Variants in ABI2 observed in about 807,000 individuals in gnomAD.
ABI2 encodes abl interactor 2.
A neutral mutation model predicts 59.2 loss-of-function variants in ABI2; 25 were observed. The ratio of observed to expected loss-of-function variants is 0.42; its 90% CI spans 0.31 to 0.59. The LOEUF (loss-of-function observed/expected upper bound fraction) is 0.59. Ranked by LOEUF, ABI2 falls within the 20% of genes least tolerant of loss-of-function variation. The pLI is 0.14. For synonymous variants in ABI2, 213 were observed against 235.5 expected (o/e 0.90, Z 0.87); for missense variants, 545 against 681.8 (o/e 0.80, Z 2.23).
At chr2:203,388,144 G>A (rs1457455335) in intron 4 of ABI2, among the ~76,000 whole-genome samples, 1 of 151,864 alleles carries the variant, frequency 6.6e-6, no homozygotes, top group Admixed American at 6.6e-5. Context: ...ATTCTGCATA[G>A]CATATTTATT....
chr2:203,419,881 G>A (rs1428840618), intron 11 of ABI2, among the ~76,000 whole-genome samples: 2 of 152,058 alleles, frequency 1.3e-5, no homozygotes, highest in African/African-American at 4.8e-5. Context: ...CCAACTACTC[G>A]GGAGGCTGAG....
intron 2 of ABI2, among the ~76,000 whole-genome samples, chr2:203,374,338 A>G (rs2095530383): frequency 6.6e-6 from 1 of 151,874 alleles, no homozygotes; most frequent in South Asian, 2.1e-4. Flanking sequence ...TGTCGCTACT[A>G]AAAATACAAA....
At position 203,416,999 on chromosome 2, in the gene ABI2, G is replaced by A. The variant is rs2097918981; in HGVS notation, c.1371G>A (p.Glu457=). 1 of 1,614,016 alleles carries A rather than the reference G, an allele frequency of 6.2e-7. No individual in the cohort carries two copies. Among genetic ancestry groups the A allele is most frequent in the South Asian group, 1.1e-5 (1 of 91,068 alleles). Residue 457 remains glutamate, a synonymous_variant, in exon 11 of 12, where the codon GAG becomes GAA. Transcript: ENST00000261018. The stretch of plus-strand genomic sequence containing the variant: ...CTCCTCCTCCAGAAGATTACGAAGA[G>A]GAGGAAGCTGCTGTGGTTGAGTATA... ...PPPPPPEDYE[E]EEAAVVEYSD...
At chr2:203,427,009 C>T (rs2098442283) in intron 11 of ABI2, among the ~76,000 whole-genome samples, 168 bp from the exon 12 acceptor site, 1 of 151,680 alleles carries the variant, frequency 6.6e-6, no homozygotes, top group Non-Finnish European at 1.5e-5. Flanking sequence ...TTGTATATGA[C>T]TGGGTATTAC....
intron 4 of ABI2, among the ~76,000 whole-genome samples, chr2:203,385,540 C>G (rs1178772958): frequency 6.6e-6 from 1 of 152,044 alleles, no homozygotes; most frequent in Non-Finnish European, 1.5e-5. Context: ...TCATTTAGCC[C>G]CATGTTTAAA....
intron 1 of ABI2, among the ~76,000 whole-genome samples, chr2:203,357,121 A>T (rs1216112091): frequency 6.6e-6 from 1 of 152,238 alleles, no homozygotes; most frequent in Non-Finnish European, 1.5e-5. Context: ...TAAAATAGAT[A>T]TAAAATTTGT....
chr2:203,328,884 C>G (rs573034940), intron 1 of ABI2: 20 of 301,324 alleles, frequency 6.6e-5, no homozygotes, highest in Middle Eastern at 1.8e-3. Flanking sequence ...GCCTCCTCGC[C>G]GCTCCCGCCC....
intron 11 of ABI2, 53 bp from the exon 12 acceptor site, chr2:203,427,124 T>G (rs2098445270): frequency 7.2e-6 from 11 of 1,535,268 alleles, no homozygotes; most frequent in Non-Finnish European, 9.8e-6. Flanking sequence ...TGGTTCTGTC[T>G]TTCTAGGAAT....
chr2:203,338,959 T>A (rs6739662), intron 1 of ABI2, among the ~76,000 whole-genome samples: 140 of 9,558 alleles, frequency 0.015, no homozygotes, highest in African/African-American at 0.016. Context: ...TATATATATA[T>A]ATAAATATAT....
intron 7 of ABI2, among the ~76,000 whole-genome samples, chr2:203,396,141 GT>G (rs2096971842): frequency 6.6e-6 from 1 of 152,150 alleles, no homozygotes; most frequent in South Asian, 2.1e-4. Flanking sequence ...ATAAAAAGTA[GT>G]TTTGACAGTT....
chr2:203,371,227 C>G (rs1577487218), intron 2 of ABI2, among the ~76,000 whole-genome samples: 1 of 152,156 alleles, frequency 6.6e-6, no homozygotes, highest in East Asian at 1.9e-4. Context: ...GTCCACTGGT[C>G]TCAACCCTCT....
chr2:203,335,196 G>T (rs1191523585), intron 1 of ABI2, among the ~76,000 whole-genome samples: 1 of 152,166 alleles, frequency 6.6e-6, no homozygotes, highest in Admixed American at 6.5e-5. Context: ...GTTGCTGAAT[G>T]TAAGAAATAC....
At chr2:203,400,004 G>A (rs934056819) in intron 8 of ABI2, among the ~76,000 whole-genome samples, 38 of 150,944 alleles carry the variant, frequency 2.5e-4, no homozygotes, top group African/African-American at 8.7e-4. Context: ...TTTATCGCTA[G>A]GTTTATGATA....
intron 1 of ABI2, among the ~76,000 whole-genome samples, chr2:203,364,431 G>C (rs1215897629): frequency 1.3e-5 from 2 of 152,112 alleles, no homozygotes; most frequent in Non-Finnish European, 2.9e-5. Flanking sequence ...AATTGAACCC[G>C]GGTCTCCTGT....
intron 1 of ABI2, among the ~76,000 whole-genome samples, chr2:203,354,159 C>T (rs745514730): frequency 2.0e-5 from 3 of 152,136 alleles, no homozygotes; most frequent in Non-Finnish European, 4.4e-5. Context: ...AACCTCCCAC[C>T]TTGGCCTCCA....
intron 1 of ABI2, among the ~76,000 whole-genome samples, chr2:203,362,832 T>C (rs890981498): frequency 2.6e-5 from 4 of 151,088 alleles, no homozygotes; most frequent in African/African-American, 9.7e-5. Flanking sequence ...TAGCCTATAT[T>C]TTAAATACTT....
At chr2:203,392,927 CAT>C (rs1250614161) in intron 5 of ABI2, among the ~76,000 whole-genome samples, 1 of 151,742 alleles carries the variant, frequency 6.6e-6, no homozygotes, top group Non-Finnish European at 1.5e-5. Flanking sequence ...TGTTTTTCCA[CAT>C]AGTCTTTGCC....
intron 4 of ABI2, among the ~76,000 whole-genome samples, chr2:203,384,038 T>C (rs1479033137): frequency 6.6e-6 from 1 of 152,178 alleles, no homozygotes; most frequent in Non-Finnish European, 1.5e-5. Context: ...TTTACTATTT[T>C]ATACAGCATG....
chr2:203,389,245 C>T (rs1443010354), intron 4 of ABI2, among the ~76,000 whole-genome samples: 1 of 152,122 alleles, frequency 6.6e-6, no homozygotes, highest in Admixed American at 6.5e-5. Flanking sequence ...AATCTTTACT[C>T]TTACTTGATA....
Sources: allele counts gnomAD v4.1 joint callset (sites outside exome capture counted in the v4.1 genomes callset), GRCh38; gene constraint gnomAD v4.1.1; transcripts MANE v1.5; gene names NCBI Gene and HGNC (gene_info 2026-07-23, HGNC 2026-07-21).